Variants in ZNF608 observed in about 807,000 individuals in gnomAD.
ZNF608 encodes the protein zinc finger protein 608.
Under a neutral mutation model 109.0 loss-of-function variants are expected in ZNF608, and 12 were observed. That is an observed-to-expected ratio of 0.11 (90% CI 0.07 to 0.18). The LOEUF (loss-of-function observed/expected upper bound fraction) is 0.18. Ranked by LOEUF, ZNF608 falls within the 10% of genes least tolerant of loss-of-function variation. The probability of loss-of-function intolerance (pLI) is 1.00; values close to 1 mark genes in which losing one functional copy is unlikely to be tolerated. For synonymous variants in ZNF608, 732 were observed against 717.4 expected (o/e 1.02, Z -0.33); for missense variants, 1,707 against 1,879.3 (o/e 0.91, Z 1.70).
At position 124,715,260 on chromosome 5, in the gene ZNF608, C is replaced by T. The variant is rs1047774336; in HGVS notation, c.907-13991G>A. On this transcript the variant is annotated intron_variant, in intron 2 of 9. Transcript: ENST00000513986. ...CAGTTACCAAGTCAGCTCATTTACTCTTTAACACACAAAAAAAAATGATGC... is the reference window on the plus strand; with the variant it reads ...CAGTTACCAAGTCAGCTCATTTACTTTTTAACACACAAAAAAAAATGATGC... Among the ~76,000 whole-genome samples, 11 of 152,074 alleles carry T rather than the reference C, an allele frequency of 7.2e-5. No homozygotes were observed. In the South Asian group the frequency reaches 2.3e-3, roughly 32 times the overall value.
chr5:124,653,290 C>G (rs1750868721), intron 3 of ZNF608, among the ~76,000 whole-genome samples: 1 of 152,172 alleles, frequency 6.6e-6, no homozygotes, highest in South Asian at 2.1e-4. Context: ...ATAACCTGAG[C>G]CTGTTACTTC....
intron 9 of ZNF608, 99 bp downstream of exon 9, chr5:124,639,034 A>C: frequency 8.6e-7 from 1 of 1,161,146 alleles, no homozygotes; most frequent in Non-Finnish European, 1.3e-6. Flanking sequence ...TATAAAACCC[A>C]AGGAGTTAAG....
chr5:124,727,257 C>A (rs1748649370), intron 2 of ZNF608, among the ~76,000 whole-genome samples: 2 of 152,154 alleles, frequency 1.3e-5, no homozygotes, highest in Admixed American at 1.3e-4. Flanking sequence ...CTCTCCTCTC[C>A]CCAAGTCAAG....
intron 5 of ZNF608, among the ~76,000 whole-genome samples, chr5:124,644,969 G>A (rs1392823764): frequency 6.6e-6 from 1 of 152,200 alleles, no homozygotes; most frequent in Non-Finnish European, 1.5e-5. Context: ...CAGGTCTGCT[G>A]AAATTCAGAG....
intron 2 of ZNF608, among the ~76,000 whole-genome samples, chr5:124,709,646 T>C (rs1386066008): frequency 1.3e-5 from 2 of 152,320 alleles, no homozygotes; most frequent in African/African-American, 2.4e-5. Flanking sequence ...GAGCCACAGA[T>C]ACTTAATCTG....
intron 3 of ZNF608, among the ~76,000 whole-genome samples, chr5:124,682,319 C>T (rs1295107972): frequency 7.9e-5 from 12 of 152,212 alleles, no homozygotes; most frequent in East Asian, 1.9e-4. Flanking sequence ...GTGATCCTTC[C>T]GCCTTGGCCT....
chr5:124,730,566 C>T (rs553901366), intron 2 of ZNF608, among the ~76,000 whole-genome samples: 6 of 152,300 alleles, frequency 3.9e-5, no homozygotes, highest in African/African-American at 1.4e-4. Flanking sequence ...GATGCAAATG[C>T]TAGTGTTTCA....
intron 2 of ZNF608, chr5:124,707,952 T>G (rs1233009572): frequency 2.0e-5 from 3 of 152,232 alleles, no homozygotes; most frequent in Non-Finnish European, 4.4e-5. Context: ...ATCAAAGCAA[T>G]TTACGCTTTG....
chr5:124,742,313 G>T (rs1749447574), intron 2 of ZNF608, among the ~76,000 whole-genome samples: 1 of 152,164 alleles, frequency 6.6e-6, no homozygotes, highest in Non-Finnish European at 1.5e-5. Flanking sequence ...TGAACATTTG[G>T]CTGGAAGATT....
chr5:124,669,123 C>CT (rs1419144106), intron 3 of ZNF608, among the ~76,000 whole-genome samples: 1 of 152,188 alleles, frequency 6.6e-6, no homozygotes, highest in East Asian at 1.9e-4. Flanking sequence ...AGTGACTTTA[C>CT]TGCCTCTGGT....
intron 3 of ZNF608, among the ~76,000 whole-genome samples, chr5:124,652,524 A>G (rs1346500885): frequency 2.6e-5 from 4 of 152,174 alleles, no homozygotes; most frequent in African/African-American, 7.2e-5. Context: ...TCTGCCCACA[A>G]TTCACATCCG....
At chr5:124,690,421 C>T (rs539013801) in intron 3 of ZNF608, among the ~76,000 whole-genome samples, 1 of 152,162 alleles carries the variant, frequency 6.6e-6, no homozygotes, top group Non-Finnish European at 1.5e-5. Flanking sequence ...AACACATGTA[C>T]CACTCTGGTG....
At chr5:124,663,590 A>G (rs2149805903) in intron 3 of ZNF608, among the ~76,000 whole-genome samples, 1 of 152,352 alleles carries the variant, frequency 6.6e-6, no homozygotes, top group Non-Finnish European at 1.5e-5. Context: ...TTTGATTGAG[A>G]AATTTTCAGC....
chr5:124,695,774 A>AAAAAAGAATTAGCTTGAACCTCC (rs1752821867), intron 3 of ZNF608, among the ~76,000 whole-genome samples: 1 of 152,152 alleles, frequency 6.6e-6, no homozygotes, highest in Non-Finnish European at 1.5e-5. Context: ...GTCTCAAAAA[A>AAAAAAGAATTAGCTTGAACCTCC]AAAAAGAATT....
At chr5:124,703,046 T>C (rs1753116650) in intron 2 of ZNF608, among the ~76,000 whole-genome samples, 1 of 151,702 alleles carries the variant, frequency 6.6e-6, no homozygotes, top group African/African-American at 2.4e-5. Context: ...AGAATCACTT[T>C]CCAGAATTAA....
At chr5:124,727,220 A>G (rs1047415093) in intron 2 of ZNF608, among the ~76,000 whole-genome samples, 2 of 152,146 alleles carry the variant, frequency 1.3e-5, no homozygotes, top group Admixed American at 6.5e-5. Flanking sequence ...AAATTTCACA[A>G]CCCTGTGCTC....
At chr5:124,748,323 C>A (rs1479186443), upstream of ZNF608, among the ~76,000 whole-genome samples, 1 of 152,198 alleles carries the variant, frequency 6.6e-6, no homozygotes, top group African/African-American at 2.4e-5. Context: ...CTCTAAGTTA[C>A]CCCGAGTGCC....
In ZNF608 at chr5:124,646,939, G is replaced by A. The variant is rs762985854; in HGVS notation, c.3445C>T (p.Pro1149Ser). The part of the protein sequence containing the change: ...GKEETKQKNM[P>S]SATISKAPST... ...GGAGCTTTTGAGATTGTGGCCGATG[G>A]CATATTTTTCTGTTTAGTTTCCTCC... is the stretch of plus-strand genomic sequence containing the variant. Residue 1149 changes from proline to serine, a missense_variant, in exon 5 of 10, where the codon CCA becomes TCA. Transcript: ENST00000513986. 1.9e-6 allele frequency: 3 copies of A among 1,613,932 alleles called. No individual in the cohort carries two copies. Among genetic ancestry groups the A allele is most frequent in the African/African-American group, 1.3e-5 (1 of 74,980 alleles).
chr5:124,656,936 C>A (rs1271843476), intron 3 of ZNF608, among the ~76,000 whole-genome samples: 2 of 152,062 alleles, frequency 1.3e-5, no homozygotes, highest in African/African-American at 2.4e-5. Context: ...GTCACCTCCC[C>A]TGCAGCCTTT....
Sources: allele counts gnomAD v4.1 joint callset (sites outside exome capture counted in the v4.1 genomes callset), GRCh38; gene constraint gnomAD v4.1.1; transcripts MANE v1.5; gene names NCBI Gene and HGNC (gene_info 2026-07-23, HGNC 2026-07-21).